Variants in CSRNP3 observed in about 807,000 individuals in gnomAD.
CSRNP3 encodes cysteine/serine-rich nuclear protein 3.
Under a neutral mutation model 48.0 loss-of-function variants are expected in CSRNP3, and 12 were observed. That is an observed-to-expected ratio of 0.25 (90% CI 0.16 to 0.41). CSRNP3 has a LOEUF of 0.41. Ranked by LOEUF, CSRNP3 falls within the 10% of genes least tolerant of loss-of-function variation. The pLI, the probability that CSRNP3 is intolerant of heterozygous loss-of-function variation, is 1.00. For synonymous variants in CSRNP3, 263 were observed against 269.7 expected (o/e 0.98, Z 0.24); for missense variants, 580 against 724.4 (o/e 0.80, Z 2.29).
At chr2:165,521,540 C>T (rs953535806) in intron 3 of CSRNP3, among the ~76,000 whole-genome samples, 9 of 152,138 alleles carry the variant, frequency 5.9e-5, no homozygotes, top group African/African-American at 2.2e-4. Context: ...TCTCACAAAC[C>T]AACACCCACA....
intron 3 of CSRNP3, among the ~76,000 whole-genome samples, chr2:165,577,648 A>C (rs1311245459): frequency 6.6e-6 from 1 of 151,798 alleles, no homozygotes; most frequent in East Asian, 1.9e-4. Flanking sequence ...ACTGTTCTCC[A>C]ACACCAAATA....
At chr2:165,473,693 T>C (rs557828394) in intron 1 of CSRNP3, among the ~76,000 whole-genome samples, 1 of 152,304 alleles carries the variant, frequency 6.6e-6, no homozygotes, top group Non-Finnish European at 1.5e-5. Context: ...AATGGATTTA[T>C]CAAGCTAATT....
At chr2:165,604,248 C>G (rs914700113) in intron 4 of CSRNP3, among the ~76,000 whole-genome samples, 3 of 152,174 alleles carry the variant, frequency 2.0e-5, no homozygotes, top group Non-Finnish European at 4.4e-5. Context: ...TATTTATGCA[C>G]ACATCTTATC....
intron 4 of CSRNP3, among the ~76,000 whole-genome samples, chr2:165,601,640 GCTTC>G (rs762976277): frequency 1.8e-4 from 28 of 151,372 alleles, no homozygotes; most frequent in East Asian, 5.8e-4. Context: ...CAATCTGTTT[GCTTC>G]CTTCCTTCCT....
At chr2:165,637,975 A>G (rs919522894) in intron 4 of CSRNP3, among the ~76,000 whole-genome samples, 19 of 152,200 alleles carry the variant, frequency 1.2e-4, no homozygotes, top group African/African-American at 1.2e-4. Context: ...ACTGAATACT[A>G]TATCAGACAT....
chr2:165,479,047 G>A (rs543248891), intron 1 of CSRNP3, among the ~76,000 whole-genome samples: 3 of 152,284 alleles, frequency 2.0e-5, no homozygotes, highest in Non-Finnish European at 2.9e-5. Context: ...ATTAAACCCT[G>A]TGAAGGCACC....
intron 3 of CSRNP3, among the ~76,000 whole-genome samples, chr2:165,547,450 A>G (rs745821664): frequency 2.6e-4 from 39 of 152,258 alleles, no homozygotes; most frequent in Non-Finnish European, 3.1e-4. Context: ...AATATTGTCA[A>G]TGTTAATATC....
chr2:165,494,492 A>G (rs1268009334), intron 1 of CSRNP3, among the ~76,000 whole-genome samples: 2 of 152,124 alleles, frequency 1.3e-5, no homozygotes, highest in Non-Finnish European at 2.9e-5. Context: ...CAAAACAGTT[A>G]AGCCATATCT....
chr2:165,626,525 T>C (rs1200461823), intron 4 of CSRNP3, among the ~76,000 whole-genome samples: 3 of 152,224 alleles, frequency 2.0e-5, no homozygotes, highest in Non-Finnish European at 4.4e-5. Context: ...CATTCCGTAT[T>C]TCCTTGTCCA....
intron 1 of CSRNP3, among the ~76,000 whole-genome samples, chr2:165,484,879 A>G (rs1684092550): frequency 6.6e-6 from 1 of 152,148 alleles, no homozygotes; most frequent in Non-Finnish European, 1.5e-5. Context: ...GAATAAAACA[A>G]TTCCTTTCTC....
chr2:165,524,341 A>T (rs1458638465), intron 3 of CSRNP3, among the ~76,000 whole-genome samples: 1 of 152,208 alleles, frequency 6.6e-6, no homozygotes, highest in Non-Finnish European at 1.5e-5. Context: ...TTAAATAAAG[A>T]TTTAAAATAA....
At chr2:165,642,944 G>A (rs1485585410) in intron 4 of CSRNP3, among the ~76,000 whole-genome samples, 1 of 152,164 alleles carries the variant, frequency 6.6e-6, no homozygotes, top group Non-Finnish European at 1.5e-5. Context: ...GATTGTTGGA[G>A]CTACATGCAG....
chr2:165,592,612 T>C (rs1336330228), intron 3 of CSRNP3, among the ~76,000 whole-genome samples: 1 of 152,110 alleles, frequency 6.6e-6, no homozygotes, highest in African/African-American at 2.4e-5. Flanking sequence ...GTTACCCTCA[T>C]GCTGTTCTCC....
intron 3 of CSRNP3, among the ~76,000 whole-genome samples, chr2:165,583,639 A>T (rs1344357398): frequency 6.6e-6 from 1 of 152,210 alleles, no homozygotes; most frequent in Non-Finnish European, 1.5e-5. Context: ...AGTAACTGGC[A>T]CATAGTAGAT....
At chr2:165,588,989 TA>T (rs1212758815) in intron 3 of CSRNP3, among the ~76,000 whole-genome samples, 3 of 152,112 alleles carry the variant, frequency 2.0e-5, no homozygotes, top group Non-Finnish European at 4.4e-5. Context: ...ATAAATTAAA[TA>T]AAGCCAATTT....
intron 3 of CSRNP3, among the ~76,000 whole-genome samples, chr2:165,579,085 C>T (rs995731043): frequency 2.6e-5 from 4 of 152,066 alleles, no homozygotes; most frequent in African/African-American, 9.7e-5. Flanking sequence ...CAAGTTGATT[C>T]CCTGGTGCTG....
intron 4 of CSRNP3, among the ~76,000 whole-genome samples, chr2:165,650,854 A>T (rs1251485758): frequency 1.3e-5 from 2 of 152,232 alleles, no homozygotes; most frequent in Middle Eastern, 3.2e-3. Flanking sequence ...CTTAAGAGAG[A>T]TAAGTTTATT....
chr2:165,678,159 G>A (rs990856347), intron 6 of CSRNP3, among the ~76,000 whole-genome samples: 1 of 152,176 alleles, frequency 6.6e-6, no homozygotes, highest in African/African-American at 2.4e-5. Context: ...GCTAAGTTGT[G>A]TAAGTCCATT....
At position 165,493,809 on chromosome 2, in the gene CSRNP3, T is replaced by C. The variant is rs1262766283; in HGVS notation, c.-282-950T>C. Reference sequence around the variant, plus strand: ...TTCCTTCAGGTGAAATATTTCTTGGTATCCTTGTTGCAAATAACTATAGGC... The same window carrying C: ...TTCCTTCAGGTGAAATATTTCTTGGCATCCTTGTTGCAAATAACTATAGGC... On this transcript the variant is annotated intron_variant, in intron 1 of 6. Coordinates refer to ENST00000651982, the MANE Select transcript of CSRNP3 (RefSeq NM_001172173.2). Among the ~76,000 whole-genome samples, 3 of 152,122 alleles carry C rather than the reference T, an allele frequency of 2.0e-5. No individual in the cohort carries two copies. In the South Asian group the frequency reaches 6.2e-4, roughly 31 times the overall value.
Sources: allele counts gnomAD v4.1 joint callset (sites outside exome capture counted in the v4.1 genomes callset), GRCh38; gene constraint gnomAD v4.1.1; transcripts MANE v1.5; gene names NCBI Gene and HGNC (gene_info 2026-07-23, HGNC 2026-07-21).